Variants in RAVER2 observed in about 807,000 individuals in gnomAD.
RAVER2 encodes ribonucleoprotein PTB-binding 2.
RAVER2 carries 46 observed loss-of-function variants against 78.1 expected under a neutral mutation model. That is an observed-to-expected ratio of 0.59 (90% CI 0.46 to 0.75). The LOEUF (loss-of-function observed/expected upper bound fraction) is 0.75, where lower values mean the gene tolerates loss of function less well. Among genes scored for constraint, RAVER2 ranks in the 30% least tolerant of loss-of-function variants. The pLI is 0.00. For synonymous variants in RAVER2, 311 were observed against 313.3 expected (o/e 0.99, Z 0.08); for missense variants, 793 against 837.5 (o/e 0.95, Z 0.66).
rs1651494095 is a variant in RAVER2 at position 64,745,307 on chromosome 1, G to C, written c.135G>C (p.Met45Ile). 1.3e-6 allele frequency: 2 copies of C among 1,506,924 alleles called. No homozygotes were observed. The highest frequency in any genetic ancestry group is 1.5e-5 in the African/African-American group (1 of 68,930). The allele number at this position is 1,506,924 out of a possible 1,614,324, so 93.3% of individuals were successfully genotyped here. The change falls in exon 1 of 12, where the codon ATG becomes ATC. Residue 45 changes from methionine to isoleucine, a missense_variant. Met to Ile is a conservative substitution (Grantham distance 10, BLOSUM62 1). Coordinates refer to ENST00000294428, the Ensembl canonical transcript of RAVER2. This position sits in a 1 kb window ranked among gnomAD's most constrained non-coding sequence, Gnocchi z 4.3. ...CGCACGAGGGCGCCCCGGACCCGATGCCCGCCGCGCTGCACCCTGAGGAGG... is the reference window on the plus strand; with the variant it reads ...CGCACGAGGGCGCCCCGGACCCGATCCCCGCCGCGCTGCACCCTGAGGAGG...
exon 12 of RAVER2, chr1:64,831,604 T>G (rs1388838641): frequency 1.3e-5 from 2 of 152,190 alleles, no homozygotes; most frequent in Non-Finnish European, 2.9e-5. Context: ...TGTTTACCAT[T>G]TATACCTTCT....
At chr1:64,747,572 C>T (rs541888812) in intron 1 of RAVER2, among the ~76,000 whole-genome samples, 1 of 150,972 alleles carries the variant, frequency 6.6e-6, no homozygotes, top group Admixed American at 6.6e-5. Context: ...AGTGCAGTGG[C>T]GCGACCTCAG....
intron 11 of RAVER2, among the ~76,000 whole-genome samples, chr1:64,825,075 G>A (rs568790887): frequency 9.9e-5 from 15 of 151,794 alleles, no homozygotes; most frequent in Admixed American, 9.2e-4. Context: ...TATGAACATT[G>A]GAAACATTTG....
At chr1:64,746,206 G>C (rs1024971626) in intron 1 of RAVER2, among the ~76,000 whole-genome samples, 2 of 152,126 alleles carry the variant, frequency 1.3e-5, no homozygotes, top group African/African-American at 4.8e-5. Context: ...AGCTAGGAAA[G>C]ACAGAGAAGC....
At position 64,759,242 on chromosome 1, in the gene RAVER2, C is replaced by T. The variant is rs1026310020; in HGVS notation, c.250-9414C>T. 5.3e-5 allele frequency among the ~76,000 whole-genome samples: 8 copies of T among 151,172 alleles called. No individual in the cohort carries two copies. In the East Asian group the frequency reaches 9.7e-4, roughly 18 times the overall value. The stretch of plus-strand genomic sequence containing the variant: ...TTATTTTTATTTTTATTTTTGGAGA[C>T]GGAGTCTTGCTGTTTTGCCCAGGCT... On this transcript the variant is annotated intron_variant, in intron 1 of 11. Transcript: ENST00000294428.
chr1:64,746,071 A>AG (rs1341551333), intron 1 of RAVER2, among the ~76,000 whole-genome samples: 1 of 152,222 alleles, frequency 6.6e-6, no homozygotes, highest in Non-Finnish European at 1.5e-5. Flanking sequence ...GACTTGGATG[A>AG]GGTTTAAAGA....
intron 11 of RAVER2, among the ~76,000 whole-genome samples, chr1:64,816,895 T>C (rs1249208675): frequency 6.6e-6 from 1 of 152,178 alleles, no homozygotes; most frequent in Non-Finnish European, 1.5e-5. Flanking sequence ...AAAGCCAAAA[T>C]TGACAAATGG....
At chr1:64,793,165 T>C (rs1652991448) in intron 5 of RAVER2, among the ~76,000 whole-genome samples, 1 of 152,008 alleles carries the variant, frequency 6.6e-6, no homozygotes, top group Non-Finnish European at 1.5e-5. Context: ...ATTGCACCAC[T>C]GCACTCCAGC....
intron 5 of RAVER2, among the ~76,000 whole-genome samples, chr1:64,793,933 A>G (rs1167863474): frequency 6.6e-6 from 1 of 152,128 alleles, no homozygotes; most frequent in African/African-American, 2.4e-5. Flanking sequence ...TAATTTGCTT[A>G]TTCATTGATT....
intron 1 of RAVER2, among the ~76,000 whole-genome samples, chr1:64,747,659 C>T (rs552485196): frequency 6.6e-6 from 1 of 151,978 alleles, no homozygotes; most frequent in South Asian, 2.1e-4. Flanking sequence ...ATTACATAAG[C>T]CTGCCACCAT....
At chr1:64,772,301 T>C (rs1191028428) in intron 2 of RAVER2, among the ~76,000 whole-genome samples, 1 of 152,168 alleles carries the variant, frequency 6.6e-6, no homozygotes, top group Non-Finnish European at 1.5e-5. Context: ...CATTATGTTA[T>C]TTAAATTCTT....
chr1:64,764,675 A>G (rs1652124107), intron 1 of RAVER2, among the ~76,000 whole-genome samples: 1 of 152,228 alleles, frequency 6.6e-6, no homozygotes. Context: ...AATCCAGAAT[A>G]TATTATTTTA....
In RAVER2 at chr1:64,751,473, A is replaced by C. The variant is rs866649880; in HGVS notation, c.249+6052A>C. On this transcript the variant is annotated intron_variant, in intron 1 of 11. Coordinates refer to ENST00000294428, the Ensembl canonical transcript of RAVER2. The stretch of plus-strand genomic sequence containing the variant: ...GAAGCATTAAATGAAGTCAACTCTG[A>C]TCAAAGGCTGTTACTGCAAAAGGGG... Among the ~76,000 whole-genome samples, 13 of 152,340 alleles carry C rather than the reference A, an allele frequency of 8.5e-5. 2 individuals carry two copies. In the South Asian group the frequency reaches 2.7e-3, roughly 32 times the overall value.
chr1:64,759,862 TGTC>T (rs1441969608), intron 1 of RAVER2, among the ~76,000 whole-genome samples: 6 of 152,240 alleles, frequency 3.9e-5, no homozygotes, highest in African/African-American at 1.2e-4. Context: ...TTTATGTTAA[TGTC>T]GTAAAATAAT....
At chr1:64,816,146 T>G (rs1339244030) in intron 11 of RAVER2, 2 of 152,248 alleles carry the variant, frequency 1.3e-5, no homozygotes, top group African/African-American at 2.4e-5. Flanking sequence ...TTTTGAACTT[T>G]TATTTCTTTT....
At chr1:64,777,868 G>A in exon 3 of RAVER2, 1 of 1,614,098 alleles carries the variant, frequency 6.2e-7, no homozygotes, top group Non-Finnish European at 8.5e-7. Flanking sequence ...CTATGGATTT[G>A]TGGAATACAT....
intron 2 of RAVER2, among the ~76,000 whole-genome samples, chr1:64,771,833 A>G (rs1016763772): frequency 2.6e-5 from 4 of 151,852 alleles, no homozygotes; most frequent in Non-Finnish European, 4.4e-5. Context: ...TTTGGAACCT[A>G]TAGTGGTGTT....
intron 5 of RAVER2, among the ~76,000 whole-genome samples, chr1:64,802,639 C>CA (rs1216026579): frequency 1.3e-5 from 2 of 151,910 alleles, no homozygotes; most frequent in African/African-American, 2.4e-5. Context: ...CCTGAAATAC[C>CA]AAAAAAACAC....
intron 11 of RAVER2, among the ~76,000 whole-genome samples, chr1:64,821,433 T>C (rs1653884801): frequency 6.6e-6 from 1 of 152,198 alleles, no homozygotes. Flanking sequence ...CTTCCTGCAA[T>C]TGCTTGTGGT....
Sources: gnomAD v4.1 joint callset for allele counts (sites outside exome capture counted in the v4.1 genomes callset) on GRCh38, gnomAD v4.1.1 for gene constraint, Gnocchi (gnomAD v3.1) non-coding constraint, MANE v1.5 for transcripts, NCBI Gene and HGNC (gene_info 2026-07-23, HGNC 2026-07-21) for gene names.